Variants in TRIM55 observed in about 807,000 individuals in gnomAD.
TRIM55 encodes tripartite motif-containing protein 55.
In TRIM55, 50 loss-of-function variants were observed where a neutral mutation model predicts 60.9. The observed-to-expected ratio is 0.82, with a 90% confidence interval of 0.65 to 1.04. The LOEUF is 1.04. Ranked by LOEUF, TRIM55 falls within the 50% of genes least tolerant of loss-of-function variation. TRIM55 has a pLI of 0.00. For synonymous variants in TRIM55, 237 were observed against 238.1 expected (o/e 1.00, Z 0.04); for missense variants, 681 against 666.9 (o/e 1.02, Z -0.23).
chr8:66,147,140 A>G (rs917258793), intron 4 of TRIM55, among the ~76,000 whole-genome samples: 1 of 152,256 alleles, frequency 6.6e-6, no homozygotes, highest in East Asian at 1.9e-4. Flanking sequence ...TTATTGGTCT[A>G]TAGTCTTTCT....
chr8:66,146,401 A>G (rs1810097900), intron 4 of TRIM55, among the ~76,000 whole-genome samples: 1 of 152,212 alleles, frequency 6.6e-6, no homozygotes, highest in Admixed American at 6.5e-5. Flanking sequence ...AAGTGATTTA[A>G]TCTTTATTTG....
At chr8:66,114,079 GAC>G in the TRIM55 span, among the ~76,000 whole-genome samples, 3,805 of 53,764 alleles carry the variant, frequency 0.071, 592 homozygotes, top group African/African-American at 0.2. Context: ...TCGAAGGAGA[GAC>G]ACCCCCCCCC....
chr8:66,140,913 A>G (rs957761660), intron 4 of TRIM55, among the ~76,000 whole-genome samples: 2 of 152,180 alleles, frequency 1.3e-5, no homozygotes, highest in African/African-American at 4.8e-5. Flanking sequence ...ATTGGTGAAG[A>G]GTTCCTTAGG....
In TRIM55 at chr8:66,149,187, T is replaced by C. The variant is rs143665385; in HGVS notation, c.604-458T>C. ...CCTTTGGGAAGCTACAAATTCTATA[T>C]AGGAGGACTGAAACTAGGACAATAT... On this transcript the variant is annotated intron_variant, in intron 4 of 9. Transcript: ENST00000315962. Among the ~76,000 whole-genome samples, 11 of 152,244 alleles carry C rather than the reference T, an allele frequency of 7.2e-5. No individual in the cohort carries two copies. The East Asian group carries it at 2.1e-3, about 29-fold the overall frequency.
chr8:66,172,144 T>C (rs7835214), intron 9 of TRIM55, among the ~76,000 whole-genome samples: 12,967 of 152,228 alleles, frequency 0.085, 1,006 homozygotes, highest in East Asian at 0.34. Flanking sequence ...AAGTGCTTTA[T>C]GTGTATTACT....
At chr8:66,151,672 T>A (rs999802459) in intron 7 of TRIM55, among the ~76,000 whole-genome samples, 1 of 151,810 alleles carries the variant, frequency 6.6e-6, no homozygotes, top group East Asian at 1.9e-4. Flanking sequence ...TGAAACCCCA[T>A]CTCTACTAAA....
intron 9 of TRIM55, among the ~76,000 whole-genome samples, chr8:66,164,095 A>T (rs1468689798): frequency 6.6e-6 from 1 of 151,878 alleles, no homozygotes; most frequent in Non-Finnish European, 1.5e-5. Flanking sequence ...CCTCATTCAC[A>T]TACAACATCT....
rs61745245 is a variant in TRIM55, at chr8:66,154,277, G to A, written c.1467G>A (p.Ala489=). Reference sequence around the variant, plus strand: ...AGGCAGAAGTGGCAGCAGCCGCAGCGAGTGAGAGGGCAGCTGTGAGTGGTA... The same window carrying A: ...AGGCAGAAGTGGCAGCAGCCGCAGCAAGTGAGAGGGCAGCTGTGAGTGGTA... The part of the protein sequence containing the change: ...VRKAEVAAAA[A]SERAAVSGKE... Residue 489 remains alanine, a synonymous_variant, in exon 9 of 10, where the codon GCG becomes GCA. Coordinates refer to ENST00000315962, the MANE Select transcript of TRIM55 (RefSeq NM_184085.2). 4.7e-3 allele frequency: 7,533 copies of A among 1,614,086 alleles called. 258 individuals carry two copies. The African/African-American group carries it at 0.081, about 17-fold the overall frequency.
In TRIM55 at chr8:66,127,404, C is replaced by G; in HGVS notation, c.136C>G (p.Leu46Val). 2 of 1,614,120 alleles carry G rather than the reference C, an allele frequency of 1.2e-6. No individual in the cohort carries two copies. The highest frequency in any genetic ancestry group is 1.7e-6 in the Non-Finnish European group (2 of 1,180,016). Reference sequence around the variant, plus strand: ...GGTGATTCTCCCTTGTCAGCACAACCTGTGTAGGAAATGTGCCAGTGATAT... The same window carrying G: ...GGTGATTCTCCCTTGTCAGCACAACGTGTGTAGGAAATGTGCCAGTGATAT... Reference protein sequence around the residue: ...PVVILPCQHNLCRKCASDIFQ... With the variant: ...PVVILPCQHNVCRKCASDIFQ... The change falls in exon 1 of 10, where the codon CTG becomes GTG. Residue 46 changes from leucine (L) to valine (V), a missense_variant. Transcript: ENST00000315962.
chr8:66,169,358 A>G (rs1185970005), intron 9 of TRIM55, among the ~76,000 whole-genome samples: 1 of 152,156 alleles, frequency 6.6e-6, no homozygotes, highest in African/African-American at 2.4e-5. Context: ...TCTGCACTCA[A>G]ATGAATTTTA....
intron 4 of TRIM55, among the ~76,000 whole-genome samples, chr8:66,148,459 A>G (rs906656964): frequency 1.3e-5 from 2 of 152,374 alleles, no homozygotes; most frequent in Non-Finnish European, 2.9e-5. Context: ...TCAGAAAGTT[A>G]AAAGTTGCAT....
chr8:66,135,102 G>A lies in TRIM55; in HGVS notation c.454G>A (p.Ala152Thr), dbSNP rs1809402295. 6.2e-7 allele frequency: 1 copy of A among 1,614,194 alleles called. No homozygotes were observed. Among genetic ancestry groups the A allele is most frequent in the African/African-American group, 1.3e-5 (1 of 75,038 alleles). The change falls in exon 3 of 10, where the codon GCA (alanine) becomes ACA (threonine). Residue 152 changes from alanine to threonine, a missense_variant. Transcript: ENST00000315962. Reference protein sequence around the residue: ...PTCSLCKVFGAHKDCQVAPLT... With the variant: ...PTCSLCKVFGTHKDCQVAPLT... The stretch of plus-strand genomic sequence containing the variant: ...CTGCTCTCTGTGCAAGGTGTTTGGT[G>A]CACACAAAGACTGCCAGGTGGCTCC...
intron 9 of TRIM55, among the ~76,000 whole-genome samples, chr8:66,169,258 G>A (rs914091580): frequency 6.6e-6 from 1 of 152,144 alleles, no homozygotes; most frequent in East Asian, 1.9e-4. Context: ...GGTAAAGGGG[G>A]CTACTGGCAT....
intron 9 of TRIM55, among the ~76,000 whole-genome samples, chr8:66,154,855 C>T (rs1398741247): frequency 6.6e-6 from 1 of 152,212 alleles, no homozygotes; most frequent in Non-Finnish European, 1.5e-5. Context: ...CAGAGACAGT[C>T]TTGGCTTGAT....
intron 9 of TRIM55, among the ~76,000 whole-genome samples, chr8:66,165,722 G>A (rs901725331): frequency 6.6e-6 from 1 of 152,136 alleles, no homozygotes; most frequent in Non-Finnish European, 1.5e-5. Flanking sequence ...GAGAAAAACT[G>A]ATCCGTCCTC....
chr8:66,172,983 G>A (rs1428170769), intron 9 of TRIM55, among the ~76,000 whole-genome samples: 1 of 152,096 alleles, frequency 6.6e-6, no homozygotes, highest in African/African-American at 2.4e-5. Flanking sequence ...TTGTTTGTTT[G>A]TTTATTAGCC....
chr8:66,136,509 G>A (rs1048285111), intron 3 of TRIM55, among the ~76,000 whole-genome samples: 11 of 152,136 alleles, frequency 7.2e-5, no homozygotes, highest in Non-Finnish European at 1.5e-4. Context: ...AGTGCTCCTG[G>A]TGGCTCCATC....
intron 9 of TRIM55, among the ~76,000 whole-genome samples, chr8:66,168,654 G>A (rs1202656678): frequency 6.6e-6 from 1 of 152,208 alleles, no homozygotes. Flanking sequence ...GACCCAGAAA[G>A]ACAGGCATTT....
Position 66,128,337 on chromosome 8 carries a change from A to G in TRIM55, c.202A>G (p.Thr68Ala). ...CCCGTATTTGCCCACAAGAGGAGGT[A>G]CCACCATGGCATCAGGGGGCCGATT... ...SNPYLPTRGG[T>A]TMASGGRFRC... The change falls in exon 2 of 10, where the codon ACC becomes GCC. Residue 68 changes from threonine to alanine, a missense_variant. Coordinates refer to ENST00000315962, the MANE Select transcript of TRIM55 (RefSeq NM_184085.2). 1 of 1,612,676 alleles carries G rather than the reference A, an allele frequency of 6.2e-7. No homozygotes were observed. Among genetic ancestry groups the G allele is most frequent in the East Asian group, 2.2e-5 (1 of 44,824 alleles).
Sources: allele counts gnomAD v4.1 joint callset (sites outside exome capture counted in the v4.1 genomes callset), GRCh38; gene constraint gnomAD v4.1.1; transcripts MANE v1.5; gene names NCBI Gene and HGNC (gene_info 2026-07-23, HGNC 2026-07-21).